Variants in BRINP1 observed in about 807,000 individuals in gnomAD.
The protein encoded by BRINP1 is BMP/retinoic acid inducible neural specific 1.
BRINP1 carries 17 observed loss-of-function variants against 72.9 expected under a neutral mutation model. The ratio of observed to expected loss-of-function variants is 0.23; its 90% CI spans 0.16 to 0.35. BRINP1 has a LOEUF of 0.35. BRINP1 is among the 10% of genes least tolerant of loss of function. The pLI, the probability that BRINP1 is intolerant of heterozygous loss-of-function variation, is 1.00. For synonymous variants in BRINP1, 418 were observed against 378.5 expected (o/e 1.10, Z -1.21); for missense variants, 850 against 1,001.6 (o/e 0.85, Z 2.04).
chr9:119,251,001 G>C (rs1830381757), intron 2 of BRINP1, among the ~76,000 whole-genome samples: 2 of 152,176 alleles, frequency 1.3e-5, no homozygotes, highest in Non-Finnish European at 2.9e-5. Flanking sequence ...GTAATTTAGT[G>C]GTGGTGTCTG....
intron 5 of BRINP1, among the ~76,000 whole-genome samples, chr9:119,233,676 T>A (rs2118901537): frequency 6.6e-6 from 1 of 152,310 alleles, no homozygotes; most frequent in East Asian, 1.9e-4. Context: ...TACATACAAA[T>A]AAAGCATGTG....
In BRINP1 at chr9:119,242,078, T is replaced by G; in HGVS notation, c.548A>C (p.His183Pro). ...TGCTCCAGTTGATATCTGGATCTCA[T>G]GAAGCCTCCTCATGGTACCATCACG... Reference protein sequence around the residue: ...VDRDGTMRRLHEIQISTGAIK... With the variant: ...VDRDGTMRRLPEIQISTGAIK... The change falls in exon 4 of 8, where the codon CAT (histidine) becomes CCT (proline). Residue 183 changes from histidine to proline, a missense_variant. Physicochemically the swap from His to Pro is moderately conservative, Grantham distance 77. Transcript: ENST00000265922. 1 of 1,614,126 alleles carries G rather than the reference T, an allele frequency of 6.2e-7. No homozygotes were observed. The highest frequency in any genetic ancestry group is 8.5e-7 in the Non-Finnish European group (1 of 1,180,028).
chr9:119,217,911 G>T (rs1010000058), intron 5 of BRINP1, among the ~76,000 whole-genome samples: 4 of 151,632 alleles, frequency 2.6e-5, no homozygotes, highest in Admixed American at 1.3e-4. Flanking sequence ...TTGCACTTGC[G>T]TTTCCCTGTG....
At chr9:119,273,676 C>T (rs909885434) in intron 2 of BRINP1, among the ~76,000 whole-genome samples, 1 of 152,136 alleles carries the variant, frequency 6.6e-6, no homozygotes, top group Non-Finnish European at 1.5e-5. Context: ...TGAATCATTC[C>T]TTCATGATGA....
At chr9:119,367,975 A>C (rs1386663705) in intron 1 of BRINP1, among the ~76,000 whole-genome samples, 1 of 152,212 alleles carries the variant, frequency 6.6e-6, no homozygotes, top group East Asian at 1.9e-4. Flanking sequence ...TGGGGAAAGA[A>C]AGACGAATCT....
At chr9:119,300,456 C>T (rs191506118) in intron 2 of BRINP1, among the ~76,000 whole-genome samples, 4 of 152,270 alleles carry the variant, frequency 2.6e-5, no homozygotes, top group Admixed American at 6.5e-5. Flanking sequence ...GCATTGCATA[C>T]CTGTATCAAA....
In BRINP1 at chr9:119,313,277, G is replaced by A. The variant is rs1190482057; in HGVS notation, c.79C>T (p.Pro27Ser). The A allele has an allele frequency of 6.2e-7, 1 of 1,614,166 alleles. No individual in the cohort carries two copies. Among genetic ancestry groups the A allele is most frequent in the Admixed American group, 1.7e-5 (1 of 60,024 alleles). ...GAGACATGTTGGTCTGTCCCAGCTG[G>A]TTCCTGGTGGGAGGGCTGCACTGAG... ...RISVQPSHQE[P>S]AGTDQHVSKE... Residue 27 changes from proline to serine, a missense_variant, in exon 2 of 8, where the codon CCA (proline) becomes TCA (serine). Coordinates refer to ENST00000265922, the MANE Select transcript of BRINP1 (RefSeq NM_014618.3).
rs748260709 is a variant in BRINP1 at position 119,167,665 on chromosome 9, C to G, written c.1705G>C (p.Gly569Arg). The G allele has an allele frequency of 6.2e-7, 1 of 1,614,090 alleles. No homozygotes were observed. Among genetic ancestry groups the G allele is most frequent in the East Asian group, 2.2e-5 (1 of 44,850 alleles). Residue 569 changes from glycine to arginine, a missense_variant, in exon 8 of 8, where the codon GGG (glycine) becomes CGG (arginine). Coordinates refer to ENST00000265922, the MANE Select transcript of BRINP1 (RefSeq NM_014618.3). The surrounding 1 kb of genome is among the most constrained non-coding windows in gnomAD (Gnocchi z 4.3). ...ATGTTCCAGCCCTCCGAATGGCTCC[C>G]GCTAAAGGGGTTGACATAGACAAAG... ...MFFVYVNPFS[G>R]SHSEGWNMPF...
intron 2 of BRINP1, among the ~76,000 whole-genome samples, chr9:119,262,581 G>C (rs1172729230): frequency 6.7e-6 from 1 of 149,574 alleles, no homozygotes; most frequent in Non-Finnish European, 1.5e-5. Context: ...GGGAGGCAGA[G>C]GTTGCAGTGA....
intron 2 of BRINP1, among the ~76,000 whole-genome samples, chr9:119,286,233 T>G (rs1179366420): frequency 7.2e-6 from 1 of 138,986 alleles, no homozygotes; most frequent in African/African-American, 2.6e-5. Context: ...GCCATTATCT[T>G]TCATCTTTTT....
chr9:119,270,583 G>A (rs1362687578), intron 2 of BRINP1, among the ~76,000 whole-genome samples: 2 of 152,174 alleles, frequency 1.3e-5, no homozygotes, highest in Non-Finnish European at 2.9e-5. Context: ...AGAGTAAAAG[G>A]TTTTGACTTG....
intron 5 of BRINP1, among the ~76,000 whole-genome samples, chr9:119,224,336 T>G (rs1830070747): frequency 6.6e-6 from 1 of 152,092 alleles, no homozygotes; most frequent in African/African-American, 2.4e-5. Context: ...GTATATATGG[T>G]CCAGCATTTG....
At chr9:119,242,283 C>G in intron 3 of BRINP1, 67 bp from the exon 4 acceptor site, 1 of 1,320,966 alleles carries the variant, frequency 7.6e-7, no homozygotes, top group East Asian at 2.4e-5. Flanking sequence ...AGGGATGGGA[C>G]CTGGATGCTG....
intron 2 of BRINP1, among the ~76,000 whole-genome samples, chr9:119,309,733 G>T (rs1013791349): frequency 2.0e-5 from 3 of 152,096 alleles, no homozygotes; most frequent in African/African-American, 4.8e-5. Flanking sequence ...TCCATGAAAA[G>T]ATCATTGTTT....
chr9:119,365,541 G>A (rs1831682269), intron 1 of BRINP1, among the ~76,000 whole-genome samples: 1 of 152,190 alleles, frequency 6.6e-6, no homozygotes, highest in African/African-American at 2.4e-5. Context: ...GGAATTGGGA[G>A]GGGAAAAGAG....
chr9:119,195,221 C>T (rs1051648866), intron 7 of BRINP1, among the ~76,000 whole-genome samples: 1 of 152,158 alleles, frequency 6.6e-6, no homozygotes, highest in Non-Finnish European at 1.5e-5. Flanking sequence ...CACCCCCCTA[C>T]CACTTGTATC....
In BRINP1 at chr9:119,358,563, G is replaced by A. The variant is rs11999954; in HGVS notation, c.-51+10493C>T. Among the ~76,000 whole-genome samples the A allele has an allele frequency of 5.5e-3, 838 of 152,216 alleles. 6 individuals are homozygous for A. The highest frequency in any genetic ancestry group is 0.019 in the African/African-American group (778 of 41,526). The stretch of plus-strand genomic sequence containing the variant: ...TAAAAAATTAGCCGGGCATGGCGGC[G>A]TGTGCCTGTAGTCCCAGCTACTCAG... On this transcript the variant is annotated intron_variant, in intron 1 of 7. Transcript: ENST00000265922.
chr9:119,331,152 A>G lies in BRINP1; in HGVS notation c.-50-17747T>C, dbSNP rs143615550. ...TCAGGATCAGTCCATGATTCGACTTAAAGAAGTAAAATGTAAAAGACCCCC... is the reference window on the plus strand; with the variant it reads ...TCAGGATCAGTCCATGATTCGACTTGAAGAAGTAAAATGTAAAAGACCCCC... On this transcript the variant is annotated intron_variant, in intron 1 of 7. Coordinates refer to ENST00000265922, the MANE Select transcript of BRINP1 (RefSeq NM_014618.3). Among the ~76,000 whole-genome samples, 49 of 152,332 alleles carry G rather than the reference A, an allele frequency of 3.2e-4. 1 individual carries two copies. Among genetic ancestry groups the G allele is most frequent in the African/African-American group, 1.0e-3 (42 of 41,578 alleles).
chr9:119,320,578 AG>A (rs752648788), intron 1 of BRINP1, among the ~76,000 whole-genome samples: 2 of 152,140 alleles, frequency 1.3e-5, no homozygotes, highest in Non-Finnish European at 2.9e-5. Flanking sequence ...CTGAGAGTGG[AG>A]GTGCTGCTTT....
Sources: gnomAD v4.1 joint callset for allele counts (sites outside exome capture counted in the v4.1 genomes callset) on GRCh38, gnomAD v4.1.1 for gene constraint, Gnocchi (gnomAD v3.1) non-coding constraint, MANE v1.5 for transcripts, NCBI Gene and HGNC (gene_info 2026-07-23, HGNC 2026-07-21) for gene names.